Variants in HDAC9 observed in about 807,000 individuals in gnomAD.
HDAC9 encodes the protein MEF-2 interacting transcription repressor (MITR) protein.
Under a neutral mutation model 139.4 loss-of-function variants are expected in HDAC9, and 41 were observed. That is an observed-to-expected ratio of 0.29 (90% confidence interval 0.23 to 0.38). HDAC9 has a LOEUF of 0.38. Ranked by LOEUF, HDAC9 falls within the 10% of genes least tolerant of loss-of-function variation. The pLI is 1.00. For synonymous variants in HDAC9, 517 were observed against 476.2 expected (o/e 1.09, Z -1.12); for missense variants, 1,147 against 1,297.0 (o/e 0.88, Z 1.78).
chr7:18,795,257 TAAAAAAAAAAAA>T (rs5882676), intron 17 of HDAC9, among the ~76,000 whole-genome samples: 4 of 65,498 alleles, frequency 6.1e-5, no homozygotes, highest in Admixed American at 1.9e-4. Context: ...AAGAAAACAG[TAAAAAAAAAAAA>T]AAAAAAAAAA....
intron 12 of HDAC9, among the ~76,000 whole-genome samples, chr7:18,677,848 C>G (rs1054466160): frequency 3.3e-5 from 5 of 151,930 alleles, no homozygotes; most frequent in Admixed American, 2.0e-4. Flanking sequence ...AACACTAGCA[C>G]TTGATGTGTT....
At chr7:18,352,927 C>T (rs1782962880) in intron 1 of HDAC9, among the ~76,000 whole-genome samples, 1 of 151,968 alleles carries the variant, frequency 6.6e-6, no homozygotes, top group Non-Finnish European at 1.5e-5. Context: ...GTCAGCTCGG[C>T]GGCCAGCAAA....
chr7:18,139,545 T>C (rs757557027), intron 1 of HDAC9, among the ~76,000 whole-genome samples: 22 of 152,126 alleles, frequency 1.4e-4, no homozygotes, highest in Non-Finnish European at 5.9e-5. Context: ...AAAAGTAAAG[T>C]GGCAAGTTTT....
At chr7:18,593,334 G>A (rs1403791989) in intron 5 of HDAC9, among the ~76,000 whole-genome samples, 2 of 151,666 alleles carry the variant, frequency 1.3e-5, no homozygotes, top group Non-Finnish European at 2.9e-5. Context: ...ATTCACCCAG[G>A]AAAAAGAAAA....
At chr7:18,902,725 C>T (rs965958746) in intron 22 of HDAC9, among the ~76,000 whole-genome samples, 2 of 151,986 alleles carry the variant, frequency 1.3e-5, no homozygotes, top group Admixed American at 6.6e-5. Context: ...TATTTAGCTA[C>T]GTATTTGAAT....
chr7:18,788,183 G>A (rs1023601237), intron 16 of HDAC9, among the ~76,000 whole-genome samples: 7 of 152,024 alleles, frequency 4.6e-5, no homozygotes, highest in South Asian at 4.2e-4. Context: ...CAGGGTTCCC[G>A]GGCTCCAGTA....
In HDAC9 at chr7:18,314,023, G is replaced by C. The variant is rs183122412; in HGVS notation, c.-42+23508G>C. Among the ~76,000 whole-genome samples the C allele has an allele frequency of 5.9e-5, 9 of 152,280 alleles. No individual in the cohort carries two copies. In the East Asian group the frequency reaches 1.7e-3, roughly 29 times the overall value. On this transcript the variant is annotated intron_variant, in intron 1 of 3. Transcript: ENST00000413509. ...GTGGACAGAATCAATACTCTTGTGAGTTTAATTAGATGGCCAGCTTCCAAG... is the reference window on the plus strand; with the variant it reads ...GTGGACAGAATCAATACTCTTGTGACTTTAATTAGATGGCCAGCTTCCAAG...
At chr7:18,404,269 A>C (rs1787805524) in intron 1 of HDAC9, among the ~76,000 whole-genome samples, 2 of 152,332 alleles carry the variant, frequency 1.3e-5, no homozygotes, top group South Asian at 4.1e-4. Flanking sequence ...AAGCCAGCAA[A>C]AATGTAAGAG....
chr7:18,736,096 C>T (rs1174811509), intron 13 of HDAC9, among the ~76,000 whole-genome samples: 2 of 152,178 alleles, frequency 1.3e-5, no homozygotes, highest in African/African-American at 2.4e-5. Flanking sequence ...TATCCTGAGA[C>T]TTTGCTGAAG....
chr7:18,963,428 A>T (rs1324951966), intron 24 of HDAC9, among the ~76,000 whole-genome samples: 1 of 152,170 alleles, frequency 6.6e-6, no homozygotes, highest in African/African-American at 2.4e-5. Flanking sequence ...CAAAATATGA[A>T]CTCAAATACA....
chr7:18,666,704 C>T, intron 12 of HDAC9: 1 of 1,306,160 alleles, frequency 7.7e-7, no homozygotes, highest in Non-Finnish European at 9.8e-7. Context: ...ATTGAAAATC[C>T]ACTGGTAAGG....
At chr7:18,608,774 A>G (rs193150208) in intron 6 of HDAC9, among the ~76,000 whole-genome samples, 1 of 152,330 alleles carries the variant, frequency 6.6e-6, no homozygotes, top group Non-Finnish European at 1.5e-5. Context: ...ATAAACCAGT[A>G]TAAGTAAAAA....
At chr7:18,533,928 A>C (rs1186610807) in intron 2 of HDAC9, among the ~76,000 whole-genome samples, 2 of 152,048 alleles carry the variant, frequency 1.3e-5, no homozygotes, top group Non-Finnish European at 2.9e-5. Flanking sequence ...AAAGAGTTTA[A>C]AATTTTTTTT....
At chr7:18,838,601 G>T (rs898379285) in intron 21 of HDAC9, among the ~76,000 whole-genome samples, 2 of 151,992 alleles carry the variant, frequency 1.3e-5, no homozygotes, top group African/African-American at 4.8e-5. Flanking sequence ...TTGTCAATTT[G>T]GGCTTAGTCA....
rs188004116 is a variant in HDAC9 at position 18,428,049 on chromosome 7, C to T, written c.-41-68213C>T. On this transcript the variant is annotated intron_variant, in intron 1 of 3. Transcript: ENST00000413509. The stretch of plus-strand genomic sequence containing the variant: ...TGTCCTCAAGTTCCATTCATTTTGT[C>T]GCATATGGCAGGACTTCCATTTTTT... Among the ~76,000 whole-genome samples, 88 of 152,176 alleles carry T rather than the reference C, an allele frequency of 5.8e-4. No homozygotes were observed. The Middle Eastern group carries it at 0.01, about 18-fold the overall frequency.
intron 17 of HDAC9, among the ~76,000 whole-genome samples, chr7:18,821,484 G>T (rs1794965035): frequency 6.6e-6 from 1 of 152,182 alleles, no homozygotes; most frequent in Admixed American, 6.5e-5. Context: ...GGAACCAAAA[G>T]GCCAGTGTGG....
intron 17 of HDAC9, among the ~76,000 whole-genome samples, chr7:18,806,303 C>T (rs914319403): frequency 6.6e-6 from 1 of 152,166 alleles, no homozygotes; most frequent in African/African-American, 2.4e-5. Context: ...AGTCTTTTGA[C>T]AGGACTCAAT....
At chr7:18,794,391 C>T (rs1792599385) in intron 17 of HDAC9, among the ~76,000 whole-genome samples, 1 of 152,068 alleles carries the variant, frequency 6.6e-6, no homozygotes, top group African/African-American at 2.4e-5. Flanking sequence ...GGGACTCTTC[C>T]AGTTGTGATT....
chr7:18,658,285 A>C (rs1791936879), intron 11 of HDAC9, among the ~76,000 whole-genome samples: 1 of 152,172 alleles, frequency 6.6e-6, no homozygotes, highest in South Asian at 2.1e-4. Context: ...TCAATAAAAA[A>C]TTATTGGAAG....
Sources: allele counts gnomAD v4.1 joint callset (sites outside exome capture counted in the v4.1 genomes callset), GRCh38; gene constraint gnomAD v4.1.1; transcripts MANE v1.5; gene names NCBI Gene and HGNC (gene_info 2026-07-23, HGNC 2026-07-21).